Variants in CCDC51 observed in about 807,000 individuals in gnomAD.
The protein encoded by CCDC51 is mitochondrial potassium channel.
CCDC51 carries 25 observed loss-of-function variants against 24.8 expected under a neutral mutation model. The observed-to-expected ratio is 1.01, with a 90% CI of 0.73 to 1.41. The LOEUF (loss-of-function observed/expected upper bound fraction) is 1.41. CCDC51 is among the 40% of genes most tolerant of loss of function. CCDC51 has a pLI of 0.00. For synonymous variants in CCDC51, 190 were observed against 204.3 expected (o/e 0.93, Z 0.60); for missense variants, 466 against 519.1 (o/e 0.90, Z 0.99).
chr3:48,443,391 A>C (rs13317298), upstream of CCDC51, among the ~76,000 whole-genome samples: 1 of 152,008 alleles, frequency 6.6e-6, no homozygotes, highest in Non-Finnish European at 1.5e-5. Context: ...CACTAAAAAT[A>C]CAAAAATTAG....
At position 48,435,837 on chromosome 3, in the gene CCDC51, A is replaced by G. The variant is rs1488608869; in HGVS notation, c.-8-701T>C. On this transcript the variant is annotated intron_variant, in intron 1 of 3. Coordinates refer to ENST00000395694, the MANE Select transcript of CCDC51 (RefSeq NM_001256964.2). The surrounding 1 kb of genome is among the most constrained non-coding windows in gnomAD (Gnocchi z 4.2). ...ACTTTTCTTAGGTTCACGCCATACA[A>G]CTCCGCCCCCAGACTTTCCAGGCTA... Among the ~76,000 whole-genome samples the G allele has an allele frequency of 6.6e-6, 1 of 151,568 alleles. No individual in the cohort carries two copies.
chr3:48,439,058 A>G (rs1335266927), intron 1 of CCDC51, among the ~76,000 whole-genome samples: 6 of 152,122 alleles, frequency 3.9e-5, no homozygotes, highest in Admixed American at 6.5e-5. Context: ...TCCTGCTCAA[A>G]TAGTAGCCCC....
Position 48,435,686 on chromosome 3 carries a change from T to G in CCDC51, c.-8-550A>C, listed in dbSNP as rs191400413. Among the ~76,000 whole-genome samples, 201 of 152,214 alleles carry G rather than the reference T, an allele frequency of 1.3e-3. No homozygotes were observed. Among genetic ancestry groups the G allele is most frequent in the African/African-American group, 4.4e-3 (184 of 41,514 alleles). On this transcript the variant is annotated intron_variant, in intron 1 of 3. Transcript: ENST00000395694. The surrounding 1 kb of genome is among the most constrained non-coding windows in gnomAD (Gnocchi z 4.2). Reference sequence around the variant, plus strand: ...TGCCTCAGCACAAGGGAAGCAGAGTTTCAATTCTGTGCAAGGACCTAAGGA... The same window carrying G: ...TGCCTCAGCACAAGGGAAGCAGAGTGTCAATTCTGTGCAAGGACCTAAGGA...
intron 1 of CCDC51, chr3:48,438,291 T>C (rs529669283): frequency 5.9e-5 from 9 of 152,174 alleles, no homozygotes; most frequent in African/African-American, 1.9e-4. Flanking sequence ...ATGAATTACA[T>C]GGTATGCAAG....
chr3:48,437,840 T>C lies in CCDC51; in HGVS notation c.-9+2148A>G, dbSNP rs1425761329. The C allele has an allele frequency of 6.6e-6, 1 of 151,922 alleles. No individual in the cohort carries two copies. The highest frequency in any genetic ancestry group is 2.4e-5 in the African/African-American group (1 of 41,318). 9.4% of individuals were successfully genotyped at this position (151,922 alleles called of 1,614,324 possible). On this transcript the variant is annotated intron_variant, in intron 1 of 3. Coordinates refer to ENST00000395694, the MANE Select transcript of CCDC51 (RefSeq NM_001256964.2). The surrounding 1 kb of genome is among the most constrained non-coding windows in gnomAD (Gnocchi z 4.2). The stretch of plus-strand genomic sequence containing the variant: ...CCACCTCCTCTCTTGATCCTCAGGA[T>C]AAAAAACCCATGCTTCTAGGGAAAA...
intron 2 of CCDC51, among the ~76,000 whole-genome samples, chr3:48,434,361 C>A (rs780230067): frequency 2.0e-5 from 3 of 152,194 alleles, no homozygotes; most frequent in Non-Finnish European, 4.4e-5. Flanking sequence ...CTACTACATG[C>A]CTAAGCAGGA....
At position 48,432,581 on chromosome 3, in the gene CCDC51, C is replaced by A. The variant is rs958115225; in HGVS notation, c.1063G>T (p.Gly355Trp). The change falls in exon 4 of 4, where the codon GGG becomes TGG. Residue 355 changes from glycine (G) to tryptophan (W), a missense_variant. Gly to Trp is a radical substitution (Grantham distance 184). Transcript: ENST00000395694. ...AHPGLVEPAD[G>W]AMPSFLLEQG... ...TCCAGCAAGAAGCTGGGCATAGCCC[C>A]GTCTGCTGGTTCCACCAGGCCTGGG... is the stretch of plus-strand genomic sequence containing the variant. 6.2e-7 allele frequency: 1 copy of A among 1,614,246 alleles called. No homozygotes were observed. Among genetic ancestry groups the A allele is most frequent in the Non-Finnish European group, 8.5e-7 (1 of 1,180,044 alleles).
chr3:48,442,895 C>T (rs527914627), upstream of CCDC51, among the ~76,000 whole-genome samples: 3 of 152,236 alleles, frequency 2.0e-5, no homozygotes, highest in East Asian at 3.9e-4. Context: ...AGTCAGATGA[C>T]TCAGGTTGGG....
In CCDC51 at chr3:48,435,828, C is replaced by T. The variant is rs1420903914; in HGVS notation, c.-8-692G>A. Among the ~76,000 whole-genome samples, 2 of 152,148 alleles carry T rather than the reference C, an allele frequency of 1.3e-5. No homozygotes were observed. Among genetic ancestry groups the T allele is most frequent in the Non-Finnish European group, 2.9e-5 (2 of 68,022 alleles). ...CCACAGAGGACTTTTCTTAGGTTCA[C>T]GCCATACAACTCCGCCCCCAGACTT... is the stretch of plus-strand genomic sequence containing the variant. On this transcript the variant is annotated intron_variant, in intron 1 of 3. Transcript: ENST00000395694. The surrounding 1 kb of genome is among the most constrained non-coding windows in gnomAD (Gnocchi z 4.2).
chr3:48,443,800 C>T, upstream of CCDC51: 1 of 1,505,276 alleles, frequency 6.6e-7, no homozygotes, highest in Non-Finnish European at 8.9e-7. Flanking sequence ...GGGGCTTCTA[C>T]CGTAAGAACT....
At chr3:48,441,271 C>T (rs1327657727), upstream of CCDC51, among the ~76,000 whole-genome samples, 2 of 152,036 alleles carry the variant, frequency 1.3e-5, no homozygotes, top group Non-Finnish European at 2.9e-5. Flanking sequence ...GTCTTGAACT[C>T]CTGACCTCGT....
At chr3:48,444,824 C>G (rs1195410621), upstream of CCDC51, among the ~76,000 whole-genome samples, 1 of 152,156 alleles carries the variant, frequency 6.6e-6, no homozygotes. Flanking sequence ...AGGGCAGCAG[C>G]TGCGGGAAGC....
chr3:48,443,709 G>A, upstream of CCDC51: 1 of 567,840 alleles, frequency 1.8e-6, no homozygotes, highest in Non-Finnish European at 3.0e-6. Flanking sequence ...GACAGTATCA[G>A]TGAAGCTGCT....
rs1218586843 is a variant in CCDC51 at position 48,435,332 on chromosome 3, C to A, written c.-8-196G>T. Among the ~76,000 whole-genome samples, 1 of 152,160 alleles carries A rather than the reference C, an allele frequency of 6.6e-6. No homozygotes were observed. The highest frequency in any genetic ancestry group is 1.5e-5 in the Non-Finnish European group (1 of 68,018). On this transcript the variant is annotated intron_variant, in intron 1 of 3. Transcript: ENST00000395694. This position sits in a 1 kb window ranked among gnomAD's most constrained non-coding sequence, Gnocchi z 4.2. Reference sequence around the variant, plus strand: ...AGGCTCTCCTCTGGGTGCTCTTGGACAATGGAACACAGTTGGGGACGAGCC... The same window carrying A: ...AGGCTCTCCTCTGGGTGCTCTTGGAAAATGGAACACAGTTGGGGACGAGCC...
At chr3:48,441,572 C>T (rs551122094), upstream of CCDC51, among the ~76,000 whole-genome samples, 66 of 151,840 alleles carry the variant, frequency 4.3e-4, no homozygotes, top group African/African-American at 1.5e-3. Context: ...TATGCCTAGA[C>T]TAAAAGATAA....
In CCDC51 at chr3:48,440,025, A is replaced by G. The variant is rs1169133086; in HGVS notation, c.-46T>C. On this transcript the variant is annotated 5_prime_UTR_variant, in exon 1 of 4. Coordinates refer to ENST00000395694, the MANE Select transcript of CCDC51 (RefSeq NM_001256964.2). Reference sequence around the variant, plus strand: ...TCCCGCGCACGGCCACAGGCCTGGTAGGCCGTCCGGTTAAGTACCCCTCCT... The same window carrying G: ...TCCCGCGCACGGCCACAGGCCTGGTGGGCCGTCCGGTTAAGTACCCCTCCT... 14 of 531,756 alleles carry G rather than the reference A, an allele frequency of 2.6e-5. No individual in the cohort carries two copies. In the South Asian group the frequency reaches 2.8e-4, roughly 11 times the overall value. The allele number at this position is 531,756 out of a possible 1,614,324, so 32.9% of individuals were successfully genotyped here. A position where few individuals can be genotyped will look rare whatever the true frequency, so the allele number is the denominator to read the frequency against.
chr3:48,443,513 G>A (rs532053770), upstream of CCDC51, among the ~76,000 whole-genome samples: 4 of 150,390 alleles, frequency 2.7e-5, no homozygotes, highest in South Asian at 4.2e-4. Context: ...CAGCCTGGGC[G>A]ACAGAGCAAG....
chr3:48,435,258 C>T lies in CCDC51; in HGVS notation c.-8-122G>A, dbSNP rs1462418917. On this transcript the variant is annotated intron_variant, in intron 1 of 3. Coordinates refer to ENST00000395694, the MANE Select transcript of CCDC51 (RefSeq NM_001256964.2). The surrounding 1 kb of genome is among the most constrained non-coding windows in gnomAD (Gnocchi z 4.2). Reference sequence around the variant, plus strand: ...CCACTCAAATCATCTAAACTGAGCACCACCCTGTTGGGCCCAGAGACTGTG... The same window carrying T: ...CCACTCAAATCATCTAAACTGAGCATCACCCTGTTGGGCCCAGAGACTGTG... 1.2e-6 allele frequency: 1 copy of T among 803,738 alleles called. No individual in the cohort carries two copies. Among genetic ancestry groups the T allele is most frequent in the African/African-American group, 1.7e-5 (1 of 57,500 alleles). The allele number at this position is 803,738 out of a possible 1,614,324, so 49.8% of individuals were successfully genotyped here. A position where few individuals can be genotyped will look rare whatever the true frequency, so the allele number is the denominator to read the frequency against.
At chr3:48,441,784 C>T (rs916273312), upstream of CCDC51, among the ~76,000 whole-genome samples, 8 of 152,138 alleles carry the variant, frequency 5.3e-5, no homozygotes, top group South Asian at 1.7e-3. Flanking sequence ...TGTTTATGCC[C>T]CCATTTGAGC....
Sources: gnomAD v4.1 joint callset for allele counts (sites outside exome capture counted in the v4.1 genomes callset) on GRCh38, gnomAD v4.1.1 for gene constraint, Gnocchi (gnomAD v3.1) non-coding constraint, MANE v1.5 for transcripts, NCBI Gene and HGNC (gene_info 2026-07-23, HGNC 2026-07-21) for gene names.